Variants in PRKAR1B observed in about 807,000 individuals in gnomAD.
PRKAR1B encodes the protein protein kinase cAMP-dependent type I regulatory subunit beta.
PRKAR1B carries 22 observed loss-of-function variants against 46.5 expected under a neutral mutation model. The ratio of observed to expected loss-of-function variants is 0.47; its 90% CI spans 0.34 to 0.68. The LOEUF (loss-of-function observed/expected upper bound fraction) is 0.68. Ranked by LOEUF, PRKAR1B falls within the 30% of genes least tolerant of loss-of-function variation. PRKAR1B has a pLI of 0.01. For missense variants in PRKAR1B, 445 were observed against 535.6 expected (o/e 0.83, Z 1.67); for synonymous variants, 259 against 217.7 (o/e 1.19, Z -1.67).
chr7:725,847 C>T (rs564404842), intron 1 of PRKAR1B, among the ~76,000 whole-genome samples: 1 of 152,312 alleles, frequency 6.6e-6, no homozygotes, highest in South Asian at 2.1e-4. Context: ...CCAGGTGCCA[C>T]CACCCACACC....
chr7:672,034 C>T (rs1011373878), intron 4 of PRKAR1B, among the ~76,000 whole-genome samples: 14 of 152,206 alleles, frequency 9.2e-5, no homozygotes, highest in Non-Finnish European at 2.9e-5. Context: ...CCGGAAGAGC[C>T]AGCCCCATGA....
chr7:654,092 G>A (rs1440590364), intron 4 of PRKAR1B, among the ~76,000 whole-genome samples: 2 of 127,288 alleles, frequency 1.6e-5, no homozygotes, highest in African/African-American at 3.1e-5. Flanking sequence ...TCTTCATCAC[G>A]ATCCTCACCA....
At position 658,579 on chromosome 7, in the gene PRKAR1B, T is replaced by C. The variant is rs144458551; in HGVS notation, c.440+18650A>G. ...GCAGCCTGAACATGACCTTGTGCTA[T>C]GGAAGCCGGCGGCTCACGAAAGCCA... On this transcript the variant is annotated intron_variant, in intron 4 of 10. Coordinates refer to ENST00000537384, the MANE Select transcript of PRKAR1B (RefSeq NM_001164760.2). Among the ~76,000 whole-genome samples, 1,235 of 152,344 alleles carry C rather than the reference T, an allele frequency of 8.1e-3. 18 individuals are homozygous for C. The highest frequency in any genetic ancestry group is 0.028 in the African/African-American group (1,145 of 41,576).
At chr7:708,939 C>T (rs1583448982) in intron 2 of PRKAR1B, among the ~76,000 whole-genome samples, 3 of 151,466 alleles carry the variant, frequency 2.0e-5, no homozygotes, top group South Asian at 2.1e-4. Flanking sequence ...ATTACAGGTG[C>T]GTGCCACCAC....
At chr7:584,787 C>T (rs9771330) in intron 7 of PRKAR1B, among the ~76,000 whole-genome samples, 84,131 of 151,952 alleles carry the variant, frequency 0.55, 24,208 homozygotes, top group East Asian at 0.84. Context: ...GAGAAGCTCC[C>T]GGCATGGTTG....
intron 6 of PRKAR1B, among the ~76,000 whole-genome samples, chr7:596,869 G>C (rs1487012255): frequency 6.6e-6 from 1 of 152,270 alleles, no homozygotes; most frequent in Non-Finnish European, 1.5e-5. Context: ...TCCTGCCAGG[G>C]CCTCCCTCCC....
chr7:647,639 T>C (rs1049329399), intron 4 of PRKAR1B, among the ~76,000 whole-genome samples: 1 of 151,624 alleles, frequency 6.6e-6, no homozygotes, highest in African/African-American at 2.4e-5. Context: ...ACCCCGTCTC[T>C]ACTAAAAATA....
rs1420500554 is a variant in PRKAR1B, at chr7:714,094, C to T, written c.-22-2567G>A. 6.6e-6 allele frequency among the ~76,000 whole-genome samples: 1 copy of T among 152,198 alleles called. No individual in the cohort carries two copies. Among genetic ancestry groups the T allele is most frequent in the Non-Finnish European group, 1.5e-5 (1 of 68,036 alleles). On this transcript the variant is annotated intron_variant, in intron 1 of 10. Transcript: ENST00000537384. The surrounding 1 kb of genome is among the most constrained non-coding windows in gnomAD (Gnocchi z 4.3). ...GCGGCCCCTCCACTCCCTCCTCCTC[C>T]TCCTCCAATTACTCCTGCTCCTCCA...
At chr7:660,835 A>C (rs952586539) in intron 4 of PRKAR1B, among the ~76,000 whole-genome samples, 874 of 31,514 alleles carry the variant, frequency 0.028, no homozygotes, top group Middle Eastern at 0.088. Flanking sequence ...CAGGTCCCCA[A>C]CCCAACAGAT....
rs1781012808 is a variant in PRKAR1B at position 592,151 on chromosome 7, CTG to C, written c.708+3993_708+3994del. Among the ~76,000 whole-genome samples the C allele has an allele frequency of 3.9e-5, 6 of 152,332 alleles. No homozygotes were observed. The South Asian group carries it at 1.2e-3, about 32-fold the overall frequency. ...ATGGATCAGGGTCCCCACGTGCACA[CTG>C]TGTGACCCTCAGCACATCACGGCTG... On this transcript the variant is annotated intron_variant, in intron 7 of 10. Transcript: ENST00000537384.
chr7:590,198 G>C (rs954554086), intron 7 of PRKAR1B, among the ~76,000 whole-genome samples: 1 of 152,218 alleles, frequency 6.6e-6, no homozygotes, highest in African/African-American at 2.4e-5. Context: ...ACAGCCCTGA[G>C]CACCACCGGC....
intron 4 of PRKAR1B, among the ~76,000 whole-genome samples, chr7:631,521 C>T (rs1186244162): frequency 6.6e-6 from 1 of 152,196 alleles, no homozygotes; most frequent in East Asian, 1.9e-4. Flanking sequence ...GTCTCACAGC[C>T]CAGCACACAC....
At chr7:658,074 G>A (rs1041296465) in intron 4 of PRKAR1B, among the ~76,000 whole-genome samples, 4 of 152,086 alleles carry the variant, frequency 2.6e-5, no homozygotes, top group South Asian at 4.2e-4. Context: ...TATGGACGGC[G>A]AATGTGCTAC....
At chr7:594,009 T>C (rs1430162520) in intron 7 of PRKAR1B, among the ~76,000 whole-genome samples, 1 of 152,048 alleles carries the variant, frequency 6.6e-6, no homozygotes, top group Non-Finnish European at 1.5e-5. Context: ...AGCTGGCCCA[T>C]GGCCATCAAA....
intron 9 of PRKAR1B, among the ~76,000 whole-genome samples, chr7:556,351 A>C: frequency 7.6e-6 from 1 of 131,948 alleles, no homozygotes; most frequent in Admixed American, 7.8e-5. Flanking sequence ...ATCACCCCCA[A>C]ACACAGCTTC....
chr7:582,354 A>G (rs1436020804), intron 8 of PRKAR1B, among the ~76,000 whole-genome samples: 4 of 152,272 alleles, frequency 2.6e-5, no homozygotes, highest in Non-Finnish European at 4.4e-5. Context: ...GAAATGCCGA[A>G]GCCCACGGCT....
intron 4 of PRKAR1B, among the ~76,000 whole-genome samples, chr7:623,748 G>C (rs112853921): frequency 0.022 from 3,381 of 152,326 alleles, 57 homozygotes; most frequent in Non-Finnish European, 0.032. Context: ...CCTGTACCTA[G>C]TGCAATGGTC....
At position 691,919 on chromosome 7, in the gene PRKAR1B, C is replaced by G; in HGVS notation, c.178-11193G>C. The G allele has an allele frequency of 5.0e-6, 5 of 1,007,074 alleles. No individual in the cohort carries two copies. The South Asian group carries it at 7.0e-5, about 14-fold the overall frequency. 62.4% of individuals were successfully genotyped at this position (1,007,074 alleles called of 1,614,324 possible). A position where few individuals can be genotyped will look rare whatever the true frequency, so the allele number is the denominator to read the frequency against. ...GACGCCTCCCTGGAGCTGCGAGTCC[C>G]TTGCTCACATCCATCCCCAGGCTGA... On this transcript the variant is annotated intron_variant, in intron 2 of 10. Coordinates refer to ENST00000537384, the MANE Select transcript of PRKAR1B (RefSeq NM_001164760.2).
chr7:601,134 T>G (rs1332559994), intron 6 of PRKAR1B, among the ~76,000 whole-genome samples: 1 of 152,182 alleles, frequency 6.6e-6, no homozygotes, highest in East Asian at 1.9e-4. Context: ...GGCTTCCTGA[T>G]GGGCCTCCGG....
Sources: gnomAD v4.1 joint callset for allele counts (sites outside exome capture counted in the v4.1 genomes callset) on GRCh38, gnomAD v4.1.1 for gene constraint, Gnocchi (gnomAD v3.1) non-coding constraint, MANE v1.5 for transcripts, NCBI Gene and HGNC (gene_info 2026-07-23, HGNC 2026-07-21) for gene names.